The following MAP3K2 variants were observed in gnomAD, a reference collection of about 807,000 sequenced individuals.
The protein encoded by MAP3K2 is MAP/ERK kinase kinase 2.
A neutral mutation model predicts 80.3 loss-of-function variants in MAP3K2; 24 were observed. That is an observed-to-expected ratio of 0.30 (90% CI 0.22 to 0.42). The LOEUF is 0.42. MAP3K2 is among the 10% of genes least tolerant of loss of function. MAP3K2 has a pLI of 1.00. For synonymous variants in MAP3K2, 244 were observed against 253.7 expected, an observed-to-expected ratio of 0.96 and a Z score of 0.36; for missense variants, 608 against 750.1, an observed-to-expected ratio of 0.81 and a Z score of 2.21.
In MAP3K2 at chr2:127,310,250, A is replaced by G. The variant is rs1312035757; in HGVS notation, c.1457-1488T>C. Among the ~76,000 whole-genome samples, 2 of 152,012 alleles carry G rather than the reference A, an allele frequency of 1.3e-5. No homozygotes were observed. Among genetic ancestry groups the G allele is most frequent in the Non-Finnish European group, 2.9e-5 (2 of 68,016 alleles). The stretch of plus-strand genomic sequence containing the variant: ...TTGGAGCACTTTCTTGCTTTCTGGC[A>G]TTTGAAGATGCTCCAGGCTCATCTT... On this transcript the variant is annotated intron_variant, in intron 15 of 16. Transcript: ENST00000682094. This position sits in a 1 kb window ranked among gnomAD's most constrained non-coding sequence, Gnocchi z 4.8.
intron 1 of MAP3K2, among the ~76,000 whole-genome samples, chr2:127,366,093 C>CCAAA (rs1033552446): frequency 6.6e-6 from 1 of 152,200 alleles, no homozygotes; most frequent in Non-Finnish European, 1.5e-5. Context: ...TCCTCCTTTG[C>CCAAA]TTCCAAGGAA....
Position 127,343,325 on chromosome 2 carries a change from G to A in MAP3K2, c.-65-131C>T, listed in dbSNP as rs760600619. ...TATGAATACTTTACACATTTCGCTAGGGGGAGGTGTTTTATATTGAAGGTT... is the reference window on the plus strand; with the variant it reads ...TATGAATACTTTACACATTTCGCTAAGGGGAGGTGTTTTATATTGAAGGTT... On this transcript the variant is annotated intron_variant, in intron 1 of 16. Coordinates refer to ENST00000682094, the MANE Select transcript of MAP3K2 (RefSeq NM_001371910.2). The A allele has an allele frequency of 3.8e-4, 191 of 505,206 alleles. 1 individual carries two copies. The highest frequency in any genetic ancestry group is 7.4e-5 in the Non-Finnish European group (21 of 282,036). The allele number at this position is 505,206 out of a possible 1,614,324, so 31.3% of individuals were successfully genotyped here. A position where few individuals can be genotyped will look rare whatever the true frequency, so the allele number is the denominator to read the frequency against.
chr2:127,375,998 C>G (rs996911920), intron 1 of MAP3K2, among the ~76,000 whole-genome samples: 1 of 152,142 alleles, frequency 6.6e-6, no homozygotes, highest in Admixed American at 6.5e-5. Flanking sequence ...GTTACCACCA[C>G]GCCTGACAAA....
rs1334631145 is a variant in MAP3K2, at chr2:127,345,928, C to T, written c.-65-2734G>A. ...GAAGGATGTCAAATCAATAACCTAA[C>T]CTTTGACCTTAAAATACTAGAAGAT... On this transcript the variant is annotated intron_variant, in intron 1 of 16. Coordinates refer to ENST00000682094, the MANE Select transcript of MAP3K2 (RefSeq NM_001371910.2). Among the ~76,000 whole-genome samples the T allele has an allele frequency of 2.6e-5, 4 of 151,722 alleles. No homozygotes were observed. In the East Asian group the frequency reaches 7.7e-4, roughly 29 times the overall value.
In MAP3K2 at chr2:127,321,223, A is replaced by T. The variant is rs567262609; in HGVS notation, c.1045+823T>A. 6.6e-6 allele frequency among the ~76,000 whole-genome samples: 1 copy of T among 152,354 alleles called. No homozygotes were observed. The highest frequency in any genetic ancestry group is 2.1e-4 in the South Asian group (1 of 4,826). On this transcript the variant is annotated intron_variant, in intron 12 of 16. Transcript: ENST00000682094. This position sits in a 1 kb window ranked among gnomAD's most constrained non-coding sequence, Gnocchi z 4.4. ...AAATGCAGTTTTTCAGGCAGAAGGA[A>T]TTTGATACCCAATAGATCTTGGATC...
chr2:127,341,638 T>C (rs1245303024), intron 2 of MAP3K2, among the ~76,000 whole-genome samples: 4 of 149,138 alleles, frequency 2.7e-5, no homozygotes, highest in South Asian at 4.4e-4. Context: ...GTTCACGCCA[T>C]TCTCCTGGCT....
At chr2:127,371,000 T>C (rs1198583432) in intron 1 of MAP3K2, among the ~76,000 whole-genome samples, 1 of 152,194 alleles carries the variant, frequency 6.6e-6, no homozygotes, top group Non-Finnish European at 1.5e-5. Flanking sequence ...GAAGGGGAGC[T>C]CTTAGCCTGC....
At chr2:127,385,945 T>C (rs1483409425) in intron 1 of MAP3K2, among the ~76,000 whole-genome samples, 3 of 152,254 alleles carry the variant, frequency 2.0e-5, no homozygotes, top group Non-Finnish European at 4.4e-5. Flanking sequence ...AAGAGGCACA[T>C]GGATAACCAT....
chr2:127,315,134 C>T (rs1685876353), intron 14 of MAP3K2, among the ~76,000 whole-genome samples: 1 of 152,158 alleles, frequency 6.6e-6, no homozygotes, highest in African/African-American at 2.4e-5. Flanking sequence ...TCTTTATATA[C>T]TCAACACTCA....
upstream of MAP3K2, chr2:127,388,083 G>A: frequency 1.0e-6 from 1 of 984,124 alleles, no homozygotes; most frequent in Non-Finnish European, 1.2e-6. Context: ...CAGGGGAGTG[G>A]GTCGGCGCCT....
Position 127,319,650 on chromosome 2 carries a change from CAAAAAAAAAA to C in MAP3K2, c.1046-1343_1046-1334del, listed in dbSNP as rs57472022. Reference sequence around the variant, plus strand: ...TGAAACCCCATCTCTACTAAAAATACAAAAAAAAAAAAAAAAAAAAAAAAAAAAGAAAAAG... The same window carrying C: ...TGAAACCCCATCTCTACTAAAAATACAAAAAAAAAAAAAAAAAAGAAAAAG... On this transcript the variant is annotated intron_variant, in intron 12 of 16. Coordinates refer to ENST00000682094, the MANE Select transcript of MAP3K2 (RefSeq NM_001371910.2). Among the ~76,000 whole-genome samples the C allele has an allele frequency of 1.6e-3, 113 of 71,844 alleles. 1 individual carries two copies. Among genetic ancestry groups the C allele is most frequent in the African/African-American group, 5.3e-3 (93 of 17,384 alleles). The allele number at this position is 71,844 out of a possible 152,430, so 47.1% of individuals were successfully genotyped here.
In MAP3K2 at chr2:127,330,412, C is replaced by A; in HGVS notation, c.358G>T (p.Val120Leu). The A allele has an allele frequency of 1.9e-6, 3 of 1,593,372 alleles. No individual in the cohort carries two copies. Among genetic ancestry groups the A allele is most frequent in the Non-Finnish European group, 2.6e-6 (3 of 1,166,282 alleles). ...CATACCTGTGTACTTCCATTTATTACAAGTAATATCTTGAGGCTCTTCATA... is the reference window on the plus strand; with the variant it reads ...CATACCTGTGTACTTCCATTTATTAAAAGTAATATCTTGAGGCTCTTCATA... Reference protein sequence around the residue: ...IHMKSLKILLVINGSTQATNL... With the variant: ...IHMKSLKILLLINGSTQATNL... Residue 120 changes from valine (V) to leucine (L), a missense_variant, in exon 6 of 17, where the codon GTA (valine) becomes TTA (leucine). Transcript: ENST00000682094.
At chr2:127,324,923 C>A (rs1328654139) in intron 9 of MAP3K2, among the ~76,000 whole-genome samples, 1 of 152,114 alleles carries the variant, frequency 6.6e-6, no homozygotes, top group Non-Finnish European at 1.5e-5. Flanking sequence ...AGCTTTTTCA[C>A]AAAAGTACTT....
At chr2:127,319,416 G>A (rs1573981368) in intron 12 of MAP3K2, among the ~76,000 whole-genome samples, 1 of 151,826 alleles carries the variant, frequency 6.6e-6, no homozygotes, top group East Asian at 1.9e-4. Context: ...CCTCTAGTCT[G>A]CCTCCCCTCT....
At chr2:127,324,937 T>G (rs949370077) in intron 9 of MAP3K2, among the ~76,000 whole-genome samples, 1 of 152,164 alleles carries the variant, frequency 6.6e-6, no homozygotes, top group Non-Finnish European at 1.5e-5. Flanking sequence ...AGTACTTAAA[T>G]TTTTGCCTAC....
chr2:127,355,043 G>T (rs1686773451), intron 1 of MAP3K2, among the ~76,000 whole-genome samples: 1 of 152,036 alleles, frequency 6.6e-6, no homozygotes, highest in South Asian at 2.1e-4. Flanking sequence ...AATGAACAGA[G>T]CATAAGCAGA....
intron 1 of MAP3K2, among the ~76,000 whole-genome samples, chr2:127,365,902 C>T (rs1686962742): frequency 6.6e-6 from 1 of 152,150 alleles, no homozygotes; most frequent in Non-Finnish European, 1.5e-5. Flanking sequence ...ATCATAGTAG[C>T]TCTGTTTTCT....
At chr2:127,388,203 C>T (rs1467436577), upstream of MAP3K2, 1 of 985,276 alleles carries the variant, frequency 1.0e-6, no homozygotes, top group Non-Finnish European at 1.2e-6. Flanking sequence ...CCCGCCCCTG[C>T]CCCGGGGCAG....
At chr2:127,386,770 C>T (rs896553161) in intron 1 of MAP3K2, among the ~76,000 whole-genome samples, 16 of 152,116 alleles carry the variant, frequency 1.1e-4, no homozygotes, top group African/African-American at 3.6e-4. Flanking sequence ...GAATTTATCC[C>T]ATTAAAGAAA....
Sources: gnomAD v4.1 joint callset for allele counts (sites outside exome capture counted in the v4.1 genomes callset) on GRCh38, gnomAD v4.1.1 for gene constraint, Gnocchi (gnomAD v3.1) non-coding constraint, MANE v1.5 for transcripts, NCBI Gene and HGNC (gene_info 2026-07-23, HGNC 2026-07-21) for gene names.